The following IL6ST variants were observed in gnomAD, a reference collection of about 807,000 sequenced individuals.
The protein encoded by IL6ST is interleukin-6 receptor subunit beta.
Under a neutral mutation model 91.3 loss-of-function variants are expected in IL6ST, and 24 were observed. The observed-to-expected ratio is 0.26, with a 90% CI of 0.19 to 0.37. IL6ST has a LOEUF of 0.37. Ranked by LOEUF, IL6ST falls within the 10% of genes least tolerant of loss-of-function variation. The pLI, the probability that IL6ST is intolerant of heterozygous loss-of-function variation, is 1.00. For missense variants in IL6ST, 914 were observed against 1,078.5 expected (o/e 0.85, Z 2.14); for synonymous variants, 351 against 373.6 (o/e 0.94, Z 0.70).
rs1261008847 is a variant in IL6ST, at chr5:55,962,158, TACC to T, written c.813+1191_813+1193del. On this transcript the variant is annotated intron_variant, in intron 7 of 16. Transcript: ENST00000381298. Reference sequence around the variant, plus strand: ...CACTGAATTAAGATTCTATACTTAATACCACATTTTGAAGAACTTCAGGTATGT... The same window carrying T: ...CACTGAATTAAGATTCTATACTTAATACATTTTGAAGAACTTCAGGTATGT... 3.9e-5 allele frequency among the ~76,000 whole-genome samples: 6 copies of T among 152,234 alleles called. No homozygotes were observed. The East Asian group carries it at 1.2e-3, about 29-fold the overall frequency.
chr5:55,984,949 C>G (rs1030309519), intron 1 of IL6ST, among the ~76,000 whole-genome samples: 5 of 152,180 alleles, frequency 3.3e-5, no homozygotes, highest in Non-Finnish European at 5.9e-5. Context: ...TGGCTAGGCC[C>G]TACGGCAGGT....
At chr5:55,954,416 A>G (rs1162546555) in intron 11 of IL6ST, among the ~76,000 whole-genome samples, 1 of 152,142 alleles carries the variant, frequency 6.6e-6, no homozygotes, top group East Asian at 1.9e-4. Flanking sequence ...TGCTTCCTCT[A>G]TCTGATGGTT....
At position 55,957,245 on chromosome 5, in the gene IL6ST, A is replaced by G. The variant is rs748794835; in HGVS notation, c.1020T>C (p.His340=). 2 of 1,569,744 alleles carry G rather than the reference A, an allele frequency of 1.3e-6. No homozygotes were observed. Among genetic ancestry groups the G allele is most frequent in the East Asian group, 2.3e-5 (1 of 43,666 alleles). The part of the protein sequence containing the change: ...PSFWYKIDPS[H]TQGYRTVQLV... ...GTTGTACAGTTCTGTAGCCTTGAGT[A>G]TGGGATGGATCTATTTTATACCAGA... Residue 340 remains histidine (H), a synonymous_variant, in exon 9 of 17, where the codon CAT becomes CAC. Coordinates refer to ENST00000381298, the MANE Select transcript of IL6ST (RefSeq NM_002184.4).
At chr5:55,956,385 T>TA in intron 9 of IL6ST, 150 bp from the exon 10 acceptor site, 1 of 606,094 alleles carries the variant, frequency 1.6e-6, no homozygotes, top group Non-Finnish European at 2.9e-6. Flanking sequence ...AATTTGGTTC[T>TA]AAAATAAAAC....
chr5:55,970,844 T>C (rs1406924926), intron 3 of IL6ST, among the ~76,000 whole-genome samples: 1 of 151,966 alleles, frequency 6.6e-6, no homozygotes, highest in Non-Finnish European at 1.5e-5. Context: ...GAAGTGGAGG[T>C]TGCAGTGAGA....
intron 1 of IL6ST, among the ~76,000 whole-genome samples, chr5:55,985,532 A>AAT (rs1554028637): frequency 1.6e-4 from 24 of 151,788 alleles, no homozygotes; most frequent in African/African-American, 5.8e-4. Context: ...AAAAAAAAAA[A>AAT]ATATAAAAAA....
intron 3 of IL6ST, among the ~76,000 whole-genome samples, chr5:55,975,176 TAATCCCCAGTGTTG>T (rs1171245333): frequency 6.6e-6 from 1 of 152,108 alleles, no homozygotes; most frequent in African/African-American, 2.4e-5. Flanking sequence ...TGTCGTATCA[TAATCCCCAGTGTTG>T]GAGGTGGGGC....
At chr5:55,946,030 C>A (rs1390321166) in intron 15 of IL6ST, among the ~76,000 whole-genome samples, 1 of 152,114 alleles carries the variant, frequency 6.6e-6, no homozygotes, top group Non-Finnish European at 1.5e-5. Flanking sequence ...GTAACCAGAA[C>A]ATATAAAGCA....
chr5:55,973,183 A>G (rs1753066034), intron 3 of IL6ST, among the ~76,000 whole-genome samples: 2 of 152,336 alleles, frequency 1.3e-5, no homozygotes, highest in African/African-American at 4.8e-5. Context: ...AGTCTTAAGT[A>G]GAATATGCTG....
chr5:55,939,202 A>G lies in IL6ST; in HGVS notation c.*1880T>C. On this transcript the variant is annotated 3_prime_UTR_variant, in exon 17 of 17. Coordinates refer to ENST00000381298, the MANE Select transcript of IL6ST (RefSeq NM_002184.4). ...CTTTGATGATCAACTTAAAAGCTGG[A>G]GATGTCATTATCTTGTTGTGTAAAT... 1 of 214,570 alleles carries G rather than the reference A, an allele frequency of 4.7e-6. No individual in the cohort carries two copies. The highest frequency in any genetic ancestry group is 9.4e-6 in the Non-Finnish European group (1 of 106,132). 13.3% of individuals were successfully genotyped at this position (214,570 alleles called of 1,614,324 possible).
chr5:55,991,472 T>C (rs1373342763), intron 1 of IL6ST, among the ~76,000 whole-genome samples: 1 of 152,122 alleles, frequency 6.6e-6, no homozygotes. Flanking sequence ...TTTTACTCTC[T>C]ACCACAAACT....
intron 16 of IL6ST, 151 bp from the exon 17 acceptor site, chr5:55,941,970 T>G: frequency 1.5e-6 from 1 of 655,598 alleles, no homozygotes; most frequent in Non-Finnish European, 2.7e-6. Context: ...GCAGATACTA[T>G]AAAATGAGTC....
At position 55,940,076 on chromosome 5, in the gene IL6ST, A is replaced by G. The variant is rs147730898; in HGVS notation, c.*1006T>C. On this transcript the variant is annotated 3_prime_UTR_variant, in exon 17 of 17. Transcript: ENST00000381298. ...TTTAAGCTGAAGATATATACTGTAT[A>G]AAGTGTTCATCTACCCAGTACTCTG... The G allele has an allele frequency of 5.9e-4, 116 of 196,832 alleles. No homozygotes were observed. The highest frequency in any genetic ancestry group is 2.4e-3 in the African/African-American group (105 of 43,530). The allele number at this position is 196,832 out of a possible 1,614,324, so 12.2% of individuals were successfully genotyped here.
chr5:55,960,063 T>A (rs932830395), intron 8 of IL6ST, among the ~76,000 whole-genome samples: 2 of 151,996 alleles, frequency 1.3e-5, no homozygotes, highest in Admixed American at 1.3e-4. Context: ...TTTTTGTATT[T>A]TTAATAGAGA....
intron 14 of IL6ST, among the ~76,000 whole-genome samples, chr5:55,949,753 T>C (rs750368210): frequency 6.6e-6 from 1 of 152,194 alleles, no homozygotes; most frequent in Non-Finnish European, 1.5e-5. Context: ...TTATCATTTA[T>C]TTTATGTAGT....
intron 2 of IL6ST, among the ~76,000 whole-genome samples, chr5:55,977,313 A>G (rs1172778757): frequency 1.4e-4 from 22 of 151,850 alleles, no homozygotes. Context: ...AGGCTGTCTC[A>G]AACTCCTGGG....
intron 13 of IL6ST, 76 bp from the exon 14 acceptor site, chr5:55,951,680 A>G: frequency 7.2e-7 from 1 of 1,390,852 alleles, no homozygotes; most frequent in Non-Finnish European, 9.8e-7. Flanking sequence ...GGCATTGTGA[A>G]AGTGTTAAAA....
At chr5:55,948,344 A>G (rs766925909) in intron 14 of IL6ST, among the ~76,000 whole-genome samples, 7 of 152,158 alleles carry the variant, frequency 4.6e-5, no homozygotes, top group Non-Finnish European at 8.8e-5. Flanking sequence ...AATTTTACTT[A>G]GTCTTTTACA....
chr5:55,953,428 T>C (rs1751764936), intron 11 of IL6ST, among the ~76,000 whole-genome samples: 1 of 152,176 alleles, frequency 6.6e-6, no homozygotes, highest in Non-Finnish European at 1.5e-5. Flanking sequence ...TCGTTCTTGT[T>C]GTTCAGGCTG....
Sources: gnomAD v4.1 joint callset for allele counts (sites outside exome capture counted in the v4.1 genomes callset) on GRCh38, gnomAD v4.1.1 for gene constraint, MANE v1.5 for transcripts, NCBI Gene and HGNC (gene_info 2026-07-23, HGNC 2026-07-21) for gene names.